The following RRM1 variants were observed in gnomAD, a reference collection of about 807,000 sequenced individuals.
RRM1 encodes the protein ribonucleotide reductase catalytic subunit M1, also known as ribonucleoside-diphosphate reductase large subunit.
RRM1 carries 19 observed loss-of-function variants against 101.5 expected under a neutral mutation model. That is an observed-to-expected ratio of 0.19 (90% confidence interval 0.13 to 0.27). The LOEUF is 0.27. RRM1 is among the 10% of genes least tolerant of loss of function. The probability of loss-of-function intolerance (pLI) is 1.00; values close to 1 mark genes in which losing one functional copy is unlikely to be tolerated. For missense variants in RRM1, 500 were observed against 962.9 expected (o/e 0.52, Z 6.36); for synonymous variants, 298 against 323.4 (o/e 0.92, Z 0.84).
At position 4,126,716 on chromosome 11, in the gene RRM1, G is replaced by A. The variant is rs2094590132; in HGVS notation, c.1353G>A (p.Leu451=). Residue 451 remains leucine (L), a synonymous_variant, in exon 13 of 19, where the codon CTG becomes CTA. Transcript: ENST00000300738. ...VAVCNLASLA[L]NMYVTSEHTY... ...TTTGTAATTTGGCTTCCCTGGCCCT[G>A]AATATGTATGTCACATCAGAACACA... is the stretch of plus-strand genomic sequence containing the variant. The A allele has an allele frequency of 6.2e-7, 1 of 1,612,420 alleles. No individual in the cohort carries two copies. Among genetic ancestry groups the A allele is most frequent in the Admixed American group, 1.7e-5 (1 of 59,748 alleles).
In RRM1 at chr11:4,136,942, G is replaced by C. The variant is rs2094611654; in HGVS notation, c.2191-1253G>C. Among the ~76,000 whole-genome samples the C allele has an allele frequency of 2.6e-5, 4 of 151,404 alleles. No homozygotes were observed. The South Asian group carries it at 8.4e-4, about 32-fold the overall frequency. On this transcript the variant is annotated intron_variant, in intron 18 of 18. Transcript: ENST00000300738. ...CCTTCCGCAGTGTTTGTGTCCCTGG[G>C]TACTTGAGATTAGGGAGTGGTGATG...
Position 4,135,764 on chromosome 11 carries a change from C to T in RRM1, c.2190+494C>T, listed in dbSNP as rs191430359. On this transcript the variant is annotated intron_variant, in intron 18 of 18. Coordinates refer to ENST00000300738, the MANE Select transcript of RRM1 (RefSeq NM_001033.5). The stretch of plus-strand genomic sequence containing the variant: ...GTGAAAGCCAGCTTACTTAGCTAGT[C>T]GTTGCCAGCTGTAAAGTCTGGTGAT... 3.3e-5 allele frequency among the ~76,000 whole-genome samples: 5 copies of T among 152,012 alleles called. No individual in the cohort carries two copies. In the East Asian group the frequency reaches 9.6e-4, roughly 29 times the overall value.
Position 4,138,385 on chromosome 11 carries a change from G to A in RRM1, c.*2G>A. On this transcript the variant is annotated 3_prime_UTR_variant, in exon 19 of 19. Transcript: ENST00000300738. The stretch of plus-strand genomic sequence containing the variant: ...GAATGTCTGATGTGTGGATCCTGAG[G>A]AAAGACTTGGAAGAGACCAGCATGT... 1 of 1,597,624 alleles carries A rather than the reference G, an allele frequency of 6.3e-7. No homozygotes were observed. Among genetic ancestry groups the A allele is most frequent in the Admixed American group, 1.7e-5 (1 of 57,578 alleles).
chr11:4,099,943 TC>T lies in RRM1; in HGVS notation c.20-2042del, dbSNP rs3216546. 1.4e-3 allele frequency among the ~76,000 whole-genome samples: 207 copies of T among 151,476 alleles called. 5 individuals carry two copies. In the East Asian group the frequency reaches 0.034, roughly 25 times the overall value. On this transcript the variant is annotated intron_variant, in intron 1 of 18. Coordinates refer to ENST00000300738, the MANE Select transcript of RRM1 (RefSeq NM_001033.5). ...GAATTTTCTTTTTGCTAAGTTGCTT[TC>T]CCCCCCCACTGCATGTATAATTGCA...
At chr11:4,106,007 T>C in intron 2 of RRM1, 39 bp from the exon 3 acceptor site, 1 of 1,564,864 alleles carries the variant, frequency 6.4e-7, no homozygotes, top group Non-Finnish European at 8.8e-7. Flanking sequence ...CTATTGTTTC[T>C]TGGGAAAGCT....
chr11:4,123,426 CTTAGGCAG>C (rs2094584763), intron 12 of RRM1, 42 bp downstream of exon 12: 1 of 1,477,058 alleles, frequency 6.8e-7, no homozygotes, highest in African/African-American at 1.4e-5. Context: ...AGAAGAGAAC[CTTAGGCAG>C]TTATTATTTG....
intron 12 of RRM1, among the ~76,000 whole-genome samples, chr11:4,124,426 A>T (rs2094586414): frequency 1.3e-5 from 2 of 152,214 alleles, no homozygotes; most frequent in South Asian, 4.1e-4. Flanking sequence ...AGTGAGTTAA[A>T]TATACTGCTA....
At chr11:4,105,839 A>G (rs896436153) in intron 2 of RRM1, 3 of 537,674 alleles carry the variant, frequency 5.6e-6, no homozygotes, top group Non-Finnish European at 9.9e-6. Flanking sequence ...TGCTGTGATT[A>G]TGGGTGTGAG....
At chr11:4,111,719 A>G in intron 6 of RRM1, 79 bp downstream of exon 6, 1 of 1,337,474 alleles carries the variant, frequency 7.5e-7, no homozygotes, top group Non-Finnish European at 1.0e-6. Context: ...AAGTCTTAAT[A>G]TTCTTGCTTA....
intron 7 of RRM1, chr11:4,116,011 CAA>C (rs1312281312): frequency 6.6e-6 from 1 of 152,164 alleles, no homozygotes; most frequent in Non-Finnish European, 1.5e-5. Context: ...AGAGGCGAGA[CAA>C]AGAGGGCAAA....
rs1048476085 is a variant in RRM1, at chr11:4,109,571, C to T, written c.388-73C>T. On this transcript the variant is annotated intron_variant, in intron 4 of 18. Transcript: ENST00000300738. ...TTGATTTTAGTTCTGGAGTCAGGGC[C>T]GAGAGATAAGAGATTTTGTGAAAAT... 2.1e-5 allele frequency: 26 copies of T among 1,222,562 alleles called. 1 individual carries two copies. The highest frequency in any genetic ancestry group is 1.2e-4 in the African/African-American group (8 of 65,182). The allele number at this position is 1,222,562 out of a possible 1,614,324, so 75.7% of individuals were successfully genotyped here.
At chr11:4,130,084 ATATTTTT>A (rs1262464942) in intron 15 of RRM1, among the ~76,000 whole-genome samples, 5 of 98,018 alleles carry the variant, frequency 5.1e-5, no homozygotes, top group African/African-American at 1.6e-4. Flanking sequence ...ATATATATAT[ATATTTTT>A]TTTTTTTTTT....
At chr11:4,128,302 G>A (rs1208728438) in intron 14 of RRM1, among the ~76,000 whole-genome samples, 2 of 151,986 alleles carry the variant, frequency 1.3e-5, no homozygotes, top group African/African-American at 4.8e-5. Context: ...AGTAGAGATG[G>A]GGTTTTGCCA....
intron 2 of RRM1, among the ~76,000 whole-genome samples, chr11:4,103,708 C>CA (rs1271681290): frequency 1.3e-5 from 2 of 152,064 alleles, no homozygotes; most frequent in Admixed American, 1.3e-4. Context: ...CTGCAGCCTC[C>CA]ACCCCTGGGG....
At chr11:4,125,524 T>C (rs896526292) in intron 12 of RRM1, among the ~76,000 whole-genome samples, 1 of 152,172 alleles carries the variant, frequency 6.6e-6, no homozygotes, top group African/African-American at 2.4e-5. Flanking sequence ...GCGGTTACTT[T>C]CCCCTTTGTT....
intron 15 of RRM1, among the ~76,000 whole-genome samples, chr11:4,130,066 T>A (rs7947605): frequency 0.039 from 1,277 of 32,846 alleles, 53 homozygotes; most frequent in Non-Finnish European, 0.057. Flanking sequence ...TGTACTGTAT[T>A]TATATATATA....
intron 1 of RRM1, among the ~76,000 whole-genome samples, chr11:4,095,495 G>T (rs7925141): frequency 0.1 from 15,111 of 150,630 alleles, 2,421 homozygotes; most frequent in African/African-American, 0.34. Context: ...CACAGGGTCG[G>T]GGGGCAGCTA....
intron 12 of RRM1, among the ~76,000 whole-genome samples, chr11:4,123,953 A>G (rs564225548): frequency 3.2e-4 from 48 of 152,316 alleles, no homozygotes; most frequent in African/African-American, 1.1e-3. Flanking sequence ...GAAATGGGAC[A>G]TGGATTTGGT....
Position 4,138,769 on chromosome 11 carries a change from T to C in RRM1, c.*386T>C. 1 of 211,888 alleles carries C rather than the reference T, an allele frequency of 4.7e-6. No individual in the cohort carries two copies. The highest frequency in any genetic ancestry group is 7.3e-5 in the East Asian group (1 of 13,790). The allele number at this position is 211,888 out of a possible 1,614,324, so 13.1% of individuals were successfully genotyped here. On this transcript the variant is annotated 3_prime_UTR_variant, in exon 19 of 19. Coordinates refer to ENST00000300738, the MANE Select transcript of RRM1 (RefSeq NM_001033.5). ...TAGTTTTACTGCTTTGACTGGTGGG[T>C]CTCTAGAAGCAAAACTGAGTGATAA...
Sources: allele counts gnomAD v4.1 joint callset (sites outside exome capture counted in the v4.1 genomes callset), GRCh38; gene constraint gnomAD v4.1.1; transcripts MANE v1.5; gene names NCBI Gene and HGNC (gene_info 2026-07-23, HGNC 2026-07-21).